SEMA3A: variants seen among roughly 807,000 people sequenced by gnomAD.
SEMA3A encodes semaphorin-3A.
Under a neutral mutation model 97.9 loss-of-function variants are expected in SEMA3A, and 29 were observed. The ratio of observed to expected loss-of-function variants is 0.30; its 90% CI spans 0.22 to 0.40. The LOEUF is 0.40. Among genes scored for constraint, SEMA3A ranks in the 10% least tolerant of loss-of-function variants. SEMA3A has a pLI of 1.00. For synonymous variants in SEMA3A, 321 were observed against 323.7 expected, an observed-to-expected ratio of 0.99 and a Z score of 0.09; for missense variants, 763 against 951.3, an observed-to-expected ratio of 0.80 and a Z score of 2.60.
chr7:84,093,432 G>A (rs1001382368), intron 4 of SEMA3A, among the ~76,000 whole-genome samples: 6 of 152,126 alleles, frequency 3.9e-5, no homozygotes, highest in African/African-American at 1.4e-4. Flanking sequence ...AAGAAGTAAT[G>A]CATGAATTGA....
chr7:83,961,370 C>T lies in SEMA3A; in HGVS notation c.*1G>A, dbSNP rs376482788. ...TTTGAGGTTTCTAGAGGTAATGCAGCTCAGACACTCCTGGGTGCCCTCTCA... is the reference window on the plus strand; with the variant it reads ...TTTGAGGTTTCTAGAGGTAATGCAGTTCAGACACTCCTGGGTGCCCTCTCA... On this transcript the variant is annotated 3_prime_UTR_variant, in exon 17 of 17. Coordinates refer to ENST00000265362, the MANE Select transcript of SEMA3A (RefSeq NM_006080.3). The T allele has an allele frequency of 1.1e-5, 18 of 1,612,998 alleles. No homozygotes were observed. The African/African-American group carries it at 2.1e-4, about 19-fold the overall frequency.
chr7:83,969,338 T>G (rs80232324), intron 15 of SEMA3A, among the ~76,000 whole-genome samples: 5,436 of 144,254 alleles, frequency 0.038, 328 homozygotes, highest in African/African-American at 0.14. Flanking sequence ...CAAAGAAATA[T>G]TTCCTCTTCT....
intron 1 of SEMA3A, among the ~76,000 whole-genome samples, chr7:84,382,616 T>G (rs1382730327): frequency 6.1e-5 from 9 of 148,076 alleles, no homozygotes; most frequent in Admixed American, 1.4e-4. Context: ...CCCAGTGCTT[T>G]GGGAGGCCAA....
intron 10 of SEMA3A, among the ~76,000 whole-genome samples, 164 bp downstream of exon 10, chr7:84,007,189 A>C (rs373285439): frequency 6.6e-6 from 1 of 152,206 alleles, no homozygotes; most frequent in East Asian, 1.9e-4. Context: ...TTAAATGTGA[A>C]ATTTCATTCA....
chr7:84,062,955 C>T (rs879631118), intron 4 of SEMA3A, among the ~76,000 whole-genome samples: 4 of 151,988 alleles, frequency 2.6e-5, no homozygotes, highest in Non-Finnish European at 4.4e-5. Flanking sequence ...TAGGCTCCAC[C>T]TCTGGGGGCA....
chr7:84,088,919 T>A (rs1330605061), intron 4 of SEMA3A, among the ~76,000 whole-genome samples: 2 of 152,088 alleles, frequency 1.3e-5, no homozygotes, highest in African/African-American at 4.8e-5. Flanking sequence ...TTAATGTTTT[T>A]TTTTCAGGAT....
chr7:84,182,411 C>T (rs548351646), intron 1 of SEMA3A, among the ~76,000 whole-genome samples: 1 of 152,200 alleles, frequency 6.6e-6, no homozygotes, highest in East Asian at 1.9e-4. Context: ...GCAAATAAAA[C>T]TAGTCATTTC....
In SEMA3A at chr7:84,423,812, A is replaced by T. The variant is rs368390647; in HGVS notation, c.-245-51912T>A. ...AAACTCAAACAAATCAGCAAGAAAA[A>T]AATAATAATTTCATCAAAAAGTGGG... On this transcript the variant is annotated intron_variant, in intron 1 of 3. Coordinates refer to the SEMA3A transcript ENST00000424555. 1.2e-3 allele frequency among the ~76,000 whole-genome samples: 175 copies of T among 152,138 alleles called. 1 individual carries two copies. The highest frequency in any genetic ancestry group is 2.6e-3 in the African/African-American group (106 of 41,542).
intron 4 of SEMA3A, among the ~76,000 whole-genome samples, chr7:84,107,206 CTG>C (rs772692113): frequency 6.6e-6 from 1 of 152,142 alleles, no homozygotes; most frequent in Non-Finnish European, 1.5e-5. Flanking sequence ...GAAGTATACA[CTG>C]TCTCTTTTTT....
chr7:84,453,150 C>T (rs1584335958), intron 1 of SEMA3A, among the ~76,000 whole-genome samples: 1 of 152,024 alleles, frequency 6.6e-6, no homozygotes, highest in South Asian at 2.1e-4. Flanking sequence ...ATATCGAATA[C>T]CTACTGCTAA....
At chr7:84,279,223 G>A (rs1800379581) in intron 3 of SEMA3A, among the ~76,000 whole-genome samples, 1 of 152,002 alleles carries the variant, frequency 6.6e-6, no homozygotes, top group Admixed American at 6.6e-5. Flanking sequence ...GGAGAAACCT[G>A]GCAGTGACCA....
rs1221835188 is a variant in SEMA3A, at chr7:83,961,376, C to T, written c.2311G>A (p.Val771Ile). The T allele has an allele frequency of 6.2e-7, 1 of 1,613,564 alleles. No individual in the cohort carries two copies. The highest frequency in any genetic ancestry group is 8.5e-7 in the Non-Finnish European group (1 of 1,179,484). Residue 771 changes from valine to isoleucine, a missense_variant, in exon 17 of 17, where the codon GTC becomes ATC. Coordinates refer to ENST00000265362, the MANE Select transcript of SEMA3A (RefSeq NM_006080.3). The stretch of plus-strand genomic sequence containing the variant: ...GTTTCTAGAGGTAATGCAGCTCAGA[C>T]ACTCCTGGGTGCCCTCTCAAATTCG... ...THEFERAPRS[V>I]
intron 1 of SEMA3A, among the ~76,000 whole-genome samples, chr7:84,147,141 AT>A (rs964405416): frequency 5.9e-5 from 9 of 152,162 alleles, no homozygotes; most frequent in Non-Finnish European, 8.8e-5. Flanking sequence ...TATATACTAC[AT>A]TTTCCAGTAA....
upstream of SEMA3A, chr7:84,195,422 C>CGTGTGTGTGT (rs34874027): frequency 2.7e-5 from 4 of 147,796 alleles, no homozygotes; most frequent in East Asian, 4.0e-4. Context: ...TGTATGTGTG[C>CGTGTGTGTGT]GTGTGTGTGT....
At chr7:84,034,832 G>A (rs1533995) in intron 6 of SEMA3A, among the ~76,000 whole-genome samples, 60,274 of 151,556 alleles carry the variant, frequency 0.4, 13,116 homozygotes, top group Non-Finnish European at 0.5. Context: ...AGTTGTTTGC[G>A]TAGGTACCTC....
At chr7:84,021,693 C>T (rs1791335956) in intron 6 of SEMA3A, among the ~76,000 whole-genome samples, 1 of 152,066 alleles carries the variant, frequency 6.6e-6, no homozygotes, top group Admixed American at 6.6e-5. Context: ...TTCTTTCTTG[C>T]TAAGCATAAA....
chr7:84,222,671 AT>A (rs1798905922), intron 3 of SEMA3A, among the ~76,000 whole-genome samples: 1 of 151,866 alleles, frequency 6.6e-6, no homozygotes, highest in Admixed American at 6.6e-5. Context: ...AACAACAATT[AT>A]TTTTTAATTG....
At chr7:84,162,256 T>C (rs895904446) in intron 1 of SEMA3A, among the ~76,000 whole-genome samples, 1 of 152,136 alleles carries the variant, frequency 6.6e-6, no homozygotes, top group Non-Finnish European at 1.5e-5. Flanking sequence ...ACAGAAACAA[T>C]TGGATGTTAT....
chr7:84,111,985 C>G (rs1795287696), intron 3 of SEMA3A, among the ~76,000 whole-genome samples: 1 of 152,156 alleles, frequency 6.6e-6, no homozygotes, highest in Admixed American at 6.6e-5. Context: ...GTAAGAGTCT[C>G]TCCTCCTTCC....
Sources: gnomAD v4.1 joint callset for allele counts (sites outside exome capture counted in the v4.1 genomes callset) on GRCh38, gnomAD v4.1.1 for gene constraint, MANE v1.5 for transcripts, NCBI Gene and HGNC (gene_info 2026-07-23, HGNC 2026-07-21) for gene names.